The following NUMA1 variants were observed in gnomAD, a reference collection of about 807,000 sequenced individuals.
NUMA1 encodes the protein SP-H antigen.
In NUMA1, 62 loss-of-function variants were observed where a neutral mutation model predicts 237.1. The observed-to-expected ratio is 0.26, with a 90% CI of 0.21 to 0.32. NUMA1 has a LOEUF of 0.32. Among genes scored for constraint, NUMA1 ranks in the 10% least tolerant of loss-of-function variants. The pLI is 1.00. For missense variants in NUMA1, 2,533 were observed against 2,666.5 expected (o/e 0.95, Z 1.10); for synonymous variants, 1,028 against 1,066.1 (o/e 0.96, Z 0.70).
chr11:72,024,467 A>C, intron 4 of NUMA1, 114 bp from the exon 5 acceptor site: 1 of 920,918 alleles, frequency 1.1e-6, no homozygotes, highest in East Asian at 2.4e-5. Context: ...TGGATCTGGA[A>C]GAGATCCAGA....
chr11:72,018,176 C>T lies in NUMA1; in HGVS notation c.978+7G>A. 6.2e-7 allele frequency: 1 copy of T among 1,601,438 alleles called. No homozygotes were observed. Among genetic ancestry groups the T allele is most frequent in the Non-Finnish European group, 8.6e-7 (1 of 1,168,336 alleles). The stretch of plus-strand genomic sequence containing the variant: ...GGCCTCCATGCACACACCACCTTAA[C>T]ACCCACCTTAAAGGAAAGGTCTCCA... On this transcript the variant is annotated splice_region_variant and intron_variant, in intron 12 of 26. Transcript: ENST00000393695.
At chr11:72,058,463 T>C (rs577817891) in intron 2 of NUMA1, among the ~76,000 whole-genome samples, 1 of 152,360 alleles carries the variant, frequency 6.6e-6, no homozygotes, top group East Asian at 1.9e-4. Flanking sequence ...AAAGTCCATA[T>C]AAGGGATATC....
In NUMA1 at chr11:72,003,930, G is replaced by A. The variant is rs371530212; in HGVS notation, c.6293C>T (p.Ala2098Val). The A allele has an allele frequency of 6.2e-6, 10 of 1,613,114 alleles. No homozygotes were observed. The African/African-American group carries it at 1.1e-4, about 17-fold the overall frequency. The change falls in exon 26 of 27, where the codon GCC becomes GTC. Residue 2098 changes from alanine (A) to valine (V), a missense_variant. Physicochemically the swap from Ala to Val is moderately conservative, Grantham distance 64. This residue lies in a region of NUMA1 where 795 missense variants were observed against 750.8 expected (regional missense o/e 1.06). Transcript: ENST00000393695. ...PRIATTTASAATAAAIGATPR... is the reference protein window; with the variant it reads ...PRIATTTASAVTAAAIGATPR... ...GGTGGCACCAATGGCGGCAGCAGTG[G>A]CGGCGCTGGCTGTGGTGGTGGCAAT...
intron 3 of NUMA1, among the ~76,000 whole-genome samples, chr11:72,032,419 C>G (rs1167516517): frequency 6.6e-6 from 1 of 152,100 alleles, no homozygotes; most frequent in Non-Finnish European, 1.5e-5. Flanking sequence ...AAACCATCTC[C>G]TATCAATACC....
rs1955456588 is a variant in NUMA1, at chr11:72,003,894, T to C, written c.6329A>G (p.Lys2110Arg). The change falls in exon 26 of 27, where the codon AAG becomes AGG. Residue 2110 changes from lysine (K) to arginine (R), a missense_variant. By Grantham distance (26) the Lys-to-Arg change is conservative (BLOSUM62 2). Coordinates refer to ENST00000393695, the MANE Select transcript of NUMA1 (RefSeq NM_006185.4). Reference sequence around the variant, plus strand: ...TCCTGCCAGTGCCTCTACCTTGCCCTTGGCTCGAGGGGTGGCACCAATGGC... The same window carrying C: ...TCCTGCCAGTGCCTCTACCTTGCCCCTGGCTCGAGGGGTGGCACCAATGGC... Reference protein sequence around the residue: ...AAAIGATPRAKGKAKH With the variant: ...AAAIGATPRARGKAKH 6.2e-7 allele frequency: 1 copy of C among 1,613,630 alleles called. No individual in the cohort carries two copies. The highest frequency in any genetic ancestry group is 2.2e-5 in the East Asian group (1 of 44,868).
intron 5 of NUMA1, chr11:72,024,014 G>A (rs1037889990): frequency 8.0e-5 from 34 of 425,494 alleles, no homozygotes; most frequent in African/African-American, 6.7e-4. Context: ...AAAAGTGACA[G>A]GTCCCAAAAA....
At chr11:72,020,038 C>T (rs184108564) in intron 8 of NUMA1, among the ~76,000 whole-genome samples, 3 of 152,328 alleles carry the variant, frequency 2.0e-5, no homozygotes, top group African/African-American at 7.2e-5. Context: ...CCCCTGAAGC[C>T]TTGCACCTCC....
chr11:72,054,967 C>T (rs1016849502), intron 2 of NUMA1, among the ~76,000 whole-genome samples: 1 of 151,718 alleles, frequency 6.6e-6, no homozygotes, highest in Non-Finnish European at 1.5e-5. Flanking sequence ...TAGTGGGCAT[C>T]AGCATTAAGA....
chr11:72,080,178 T>C (rs571304922), intron 1 of NUMA1: 12 of 151,596 alleles, frequency 7.9e-5, no homozygotes, highest in Admixed American at 5.9e-4. Context: ...TACAAGCCTT[T>C]CGGGAACTTG....
chr11:72,018,579 C>T (rs1457036397), intron 10 of NUMA1, 66 bp from the exon 11 acceptor site: 2 of 1,397,564 alleles, frequency 1.4e-6, no homozygotes, highest in African/African-American at 1.4e-5. Context: ...ACTATGTGCA[C>T]AGAACTATGT....
intron 22 of NUMA1, 27 bp from the exon 23 acceptor site, chr11:72,005,396 A>G: frequency 6.3e-7 from 1 of 1,599,472 alleles, no homozygotes; most frequent in African/African-American, 1.4e-5. Flanking sequence ...AGTGGGAACA[A>G]ATGAGCCTGG....
At chr11:72,005,885 C>A (rs1034687378) in intron 22 of NUMA1, 150 bp downstream of exon 22, 1 of 683,826 alleles carries the variant, frequency 1.5e-6, no homozygotes. Context: ...TAAGGAAGGC[C>A]CTGAGGCTGC....
At chr11:72,004,478 C>T (rs1955535515) in intron 24 of NUMA1, 137 bp from the exon 25 acceptor site, 2 of 1,200,756 alleles carry the variant, frequency 1.7e-6, no homozygotes, top group Non-Finnish European at 2.4e-6. Flanking sequence ...TGGGCCAGAT[C>T]CTTCCCTTCC....
In NUMA1 at chr11:72,075,270, A is replaced by G. The variant is rs1416037650; in HGVS notation, c.-103+5188T>C. Among the ~76,000 whole-genome samples, 6 of 152,118 alleles carry G rather than the reference A, an allele frequency of 3.9e-5. No homozygotes were observed. In the East Asian group the frequency reaches 1.2e-3, roughly 29 times the overall value. ...TGGACTCCACTAAACCCCATTTCACATTTGCCAGCTGGATCCCTGTCAACA... is the reference window on the plus strand; with the variant it reads ...TGGACTCCACTAAACCCCATTTCACGTTTGCCAGCTGGATCCCTGTCAACA... On this transcript the variant is annotated intron_variant, in intron 1 of 26. Coordinates refer to ENST00000393695, the MANE Select transcript of NUMA1 (RefSeq NM_006185.4).
At chr11:72,032,396 G>A (rs372741428) in intron 3 of NUMA1, among the ~76,000 whole-genome samples, 1 of 152,118 alleles carries the variant, frequency 6.6e-6, no homozygotes, top group Non-Finnish European at 1.5e-5. Flanking sequence ...AAAATGAAGA[G>A]ACTGCCAAGG....
chr11:72,072,268 G>C (rs1438966608), intron 1 of NUMA1: 1 of 154,606 alleles, frequency 6.5e-6, no homozygotes, highest in Non-Finnish European at 1.5e-5. Context: ...AGAGGACCAA[G>C]AGTTGAGGTC....
At chr11:72,020,340 C>G (rs1161246758) in intron 8 of NUMA1, 2 of 152,234 alleles carry the variant, frequency 1.3e-5, no homozygotes, top group African/African-American at 4.8e-5. Context: ...CATGAGGAAC[C>G]TGAATACAAG....
Position 72,014,157 on chromosome 11 carries a change from C to T in NUMA1, c.3346G>A (p.Glu1116Lys), listed in dbSNP as rs747372810. 1.2e-6 allele frequency: 2 copies of T among 1,613,490 alleles called. No individual in the cohort carries two copies. Among genetic ancestry groups the T allele is most frequent in the Non-Finnish European group, 1.7e-6 (2 of 1,180,044 alleles). The change falls in exon 15 of 27, where the codon GAG becomes AAG. Residue 1116 changes from glutamate to lysine, a missense_variant. Physicochemically the swap from Glu to Lys is moderately conservative, Grantham distance 56. Around this residue, in one of 3 missense-constraint regions of NUMA1, gnomAD observed 1,414 missense variants for 1,508.1 expected, o/e 0.94. Coordinates refer to ENST00000393695, the MANE Select transcript of NUMA1 (RefSeq NM_006185.4). This position sits in a 1 kb window ranked among gnomAD's most constrained non-coding sequence, Gnocchi z 4.6. ...GAQSEAAGRT[E>K]PTGPKLEALR... ...GCCTCCAGCTTGGGGCCTGTTGGCT[C>T]TGTCCTGCCAGCAGCCTCAGATTGG...
rs761099237 is a variant in NUMA1 at position 72,019,506 on chromosome 11, G to C, written c.572C>G (p.Ser191Cys). ...GCCCAGAACATACTTGTTCCCACTG[G>C]AAGAGGAGGCAACCTTCTGTAGCTC... ...FLELQKVASS[S>C]SGNNFLSGSP... The change falls in exon 9 of 27, where the codon TCC (serine) becomes TGC (cysteine). Residue 191 changes from serine (S) to cysteine (C), a missense_variant. This residue lies in a region of NUMA1 where 1,414 missense variants were observed against 1,508.1 expected (regional missense o/e 0.94). Coordinates refer to ENST00000393695, the MANE Select transcript of NUMA1 (RefSeq NM_006185.4). The C allele has an allele frequency of 6.2e-7, 1 of 1,613,454 alleles. No homozygotes were observed. The highest frequency in any genetic ancestry group is 8.5e-7 in the Non-Finnish European group (1 of 1,179,602).
Sources: gnomAD v4.1 joint callset for allele counts (sites outside exome capture counted in the v4.1 genomes callset) on GRCh38, gnomAD v4.1.1 for gene constraint, gnomAD v4.1.1 regional missense constraint, Gnocchi (gnomAD v3.1) non-coding constraint, MANE v1.5 for transcripts, NCBI Gene and HGNC (gene_info 2026-07-23, HGNC 2026-07-21) for gene names.